KCNQ1OT1: variants seen among roughly 807,000 people sequenced by gnomAD.
KCNQ1OT1 encodes KCNQ1 opposite strand/antisense transcript 1.
exon 1 of KCNQ1OT1, chr11:2,631,810 C>CT (rs778837772): frequency 2.5e-6 from 1 of 398,502 alleles, no homozygotes; most frequent in Non-Finnish European, 4.4e-6. Flanking sequence ...GTGGCCAAGG[C>CT]TGAGTGTCCT....
chr11:2,634,411 G>A (rs1235237906), exon 1 of KCNQ1OT1: 6 of 192,690 alleles, frequency 3.1e-5, no homozygotes, highest in East Asian at 1.0e-4. Context: ...TCCCACCTAC[G>A]AGTGAGAACA....
In KCNQ1OT1 at chr11:2,670,660, T is replaced by C. The variant is rs1303584478; in HGVS notation, n.29335A>G. ...AGAGGCCAGGATGAACCCTGAAGAT[T>C]GGTAGGAAGGCAGTGTAGCAGTAAC... On this transcript the variant is annotated non_coding_transcript_exon_variant, in exon 1 of 1. Transcript: ENST00000597346. This position sits in a 1 kb window ranked among gnomAD's most constrained non-coding sequence, Gnocchi z 4.9. 5.0e-6 allele frequency: 2 copies of C among 398,232 alleles called. No individual in the cohort carries two copies. Among genetic ancestry groups the C allele is most frequent in the African/African-American group, 4.1e-5 (2 of 48,516 alleles). The allele number at this position is 398,232 out of a possible 1,614,324, so 24.7% of individuals were successfully genotyped here.
rs1383035176 is a variant in KCNQ1OT1 at position 2,620,211 on chromosome 11, A to ATATATATATAT, written n.79783_79784insATATATATATA. 1.1e-5 allele frequency: 3 copies of ATATATATATAT among 261,940 alleles called. No individual in the cohort carries two copies. Among genetic ancestry groups the ATATATATATAT allele is most frequent in the African/African-American group, 5.3e-5 (2 of 38,042 alleles). The allele number at this position is 261,940 out of a possible 1,614,324, so 16.2% of individuals were successfully genotyped here. ...TAAGTTCATTCATGTATATATATAT[A>ATATATATATAT]TTTTTTTTTTTTATTTTTTTTTTAG... is the stretch of plus-strand genomic sequence containing the variant. On this transcript the variant is annotated non_coding_transcript_exon_variant, in exon 1 of 1. Transcript: ENST00000597346. The surrounding 1 kb of genome is among the most constrained non-coding windows in gnomAD (Gnocchi z 4.5).
Position 2,676,671 on chromosome 11 carries a change from C to T in KCNQ1OT1, n.23324G>A. ...TAGTTCATTAAGGTCTTGAGTATTT[C>T]CAAGGGAGCACTAACTGGACTACAG... On this transcript the variant is annotated non_coding_transcript_exon_variant, in exon 1 of 1. Coordinates refer to ENST00000597346, the Ensembl canonical transcript of KCNQ1OT1. The surrounding 1 kb of genome is among the most constrained non-coding windows in gnomAD (Gnocchi z 4.2). 2 of 398,612 alleles carry T rather than the reference C, an allele frequency of 5.0e-6. No individual in the cohort carries two copies. The highest frequency in any genetic ancestry group is 7.1e-5 in the East Asian group (2 of 28,080). 24.7% of individuals were successfully genotyped at this position (398,612 alleles called of 1,614,324 possible). A position where few individuals can be genotyped will look rare whatever the true frequency, so the allele number is the denominator to read the frequency against.
exon 1 of KCNQ1OT1, chr11:2,640,232 C>A (rs941204978): frequency 2.5e-6 from 1 of 395,374 alleles, no homozygotes; most frequent in East Asian, 3.6e-5. Flanking sequence ...ACTGTCTTGA[C>A]GAGCCCCAGT....
At chr11:2,684,126 C>T (rs1850445353) in exon 1 of KCNQ1OT1, 2 of 398,606 alleles carry the variant, frequency 5.0e-6, no homozygotes, top group South Asian at 2.5e-4. Context: ...CTTAAGGGGA[C>T]CGTTTCCCTT....
exon 1 of KCNQ1OT1, chr11:2,644,145 A>G (rs1050323253): frequency 1.1e-4 from 45 of 398,376 alleles, no homozygotes; most frequent in Non-Finnish European, 2.2e-5. Flanking sequence ...CTCTTGGGAG[A>G]TTGGGAAGTG....
At chr11:2,662,049 G>A in exon 1 of KCNQ1OT1, 1 of 1,614,250 alleles carries the variant, frequency 6.2e-7, no homozygotes, top group Non-Finnish European at 8.5e-7. Context: ...TGGAAGGGGA[G>A]ACTCTGCTGA....
exon 1 of KCNQ1OT1, chr11:2,644,510 G>C (rs1270073093): frequency 2.5e-6 from 1 of 398,146 alleles, no homozygotes; most frequent in Admixed American, 4.4e-5. Flanking sequence ...TAGTCTATCA[G>C]ATCTTCTTTA....
At chr11:2,631,659 A>G (rs992712927) in exon 1 of KCNQ1OT1, 2 of 398,408 alleles carry the variant, frequency 5.0e-6, no homozygotes, top group African/African-American at 2.1e-5. Context: ...TCTTGTTACA[A>G]TGAATTGAAA....
exon 1 of KCNQ1OT1, chr11:2,675,368 A>G (rs1318861577): frequency 5.0e-6 from 2 of 398,556 alleles, no homozygotes; most frequent in African/African-American, 4.1e-5. Flanking sequence ...ACGTGTGTGC[A>G]TTAGAAAACA....
exon 1 of KCNQ1OT1, chr11:2,681,703 T>A (rs1007221381): frequency 2.2e-5 from 5 of 232,290 alleles, no homozygotes; most frequent in Non-Finnish European, 3.3e-5. Context: ...TTGCTTCCCA[T>A]GTGTCTGTTC....
At chr11:2,641,128 C>G in exon 1 of KCNQ1OT1, 1 of 398,408 alleles carries the variant, frequency 2.5e-6, no homozygotes, top group Non-Finnish European at 4.4e-6. Context: ...GCAATAAACA[C>G]GGGGATGCAG....
chr11:2,617,747 C>T lies in KCNQ1OT1; in HGVS notation n.82248G>A, dbSNP rs1339158641. The T allele has an allele frequency of 7.5e-6, 3 of 398,376 alleles. No homozygotes were observed. Among genetic ancestry groups the T allele is most frequent in the Non-Finnish European group, 1.3e-5 (3 of 226,016 alleles). The allele number at this position is 398,376 out of a possible 1,614,324, so 24.7% of individuals were successfully genotyped here. A position where few individuals can be genotyped will look rare whatever the true frequency, so the allele number is the denominator to read the frequency against. On this transcript the variant is annotated non_coding_transcript_exon_variant, in exon 1 of 1. Transcript: ENST00000597346. This position sits in a 1 kb window ranked among gnomAD's most constrained non-coding sequence, Gnocchi z 4.6. ...TATTCTCATGAGTGTGAGGTGATAT[C>T]GCATAGTAATTTTGATTTGCATTTC...
exon 1 of KCNQ1OT1, chr11:2,615,166 G>A (rs955532468): frequency 5.0e-6 from 2 of 397,934 alleles, no homozygotes; most frequent in Non-Finnish European, 8.9e-6. Flanking sequence ...ATTGTAAGTG[G>A]AATTTTAAAA....
rs1346790993 is a variant in KCNQ1OT1 at position 2,642,105 on chromosome 11, C to G, written n.57890G>C. The G allele has an allele frequency of 2.5e-6, 1 of 398,382 alleles. No homozygotes were observed. Among genetic ancestry groups the G allele is most frequent in the East Asian group, 3.6e-5 (1 of 28,038 alleles). 24.7% of individuals were successfully genotyped at this position (398,382 alleles called of 1,614,324 possible). On this transcript the variant is annotated non_coding_transcript_exon_variant, in exon 1 of 1. Coordinates refer to ENST00000597346, the Ensembl canonical transcript of KCNQ1OT1. The surrounding 1 kb of genome is among the most constrained non-coding windows in gnomAD (Gnocchi z 4.3). ...CTCAGAATTGCTGTGGCTATTCCAG[C>G]TCTTTTTTGGTTCCATCTGAATTTT...
At chr11:2,688,627 G>T (rs1850533787) in exon 1 of KCNQ1OT1, 1 of 398,654 alleles carries the variant, frequency 2.5e-6, no homozygotes, top group Non-Finnish European at 4.4e-6. Flanking sequence ...GCCTGGGTGA[G>T]CTCTGGACCT....
chr11:2,694,417 C>T (rs1381701725), exon 1 of KCNQ1OT1: 2 of 398,522 alleles, frequency 5.0e-6, no homozygotes, highest in Non-Finnish European at 8.8e-6. Context: ...AGGTAGAGAC[C>T]AGGCAGGGTG....
In KCNQ1OT1 at chr11:2,613,241, GA is replaced by G. The variant is rs1389372377; in HGVS notation, n.86753del. On this transcript the variant is annotated non_coding_transcript_exon_variant, in exon 1 of 1. Coordinates refer to ENST00000597346, the Ensembl canonical transcript of KCNQ1OT1. This position sits in a 1 kb window ranked among gnomAD's most constrained non-coding sequence, Gnocchi z 4.8. ...GCAAAAGGTCTCACAGTCAGCCAAG[GA>G]TAAGTAGATAGCAGGAAACCTCTCT... The G allele has an allele frequency of 5.0e-6, 2 of 398,378 alleles. No individual in the cohort carries two copies. Among genetic ancestry groups the G allele is most frequent in the African/African-American group, 2.1e-5 (1 of 48,564 alleles). 24.7% of individuals were successfully genotyped at this position (398,378 alleles called of 1,614,324 possible).
Sources: gnomAD v4.1 joint callset for allele counts on GRCh38, gnomAD v4.1.1 for gene constraint, Gnocchi (gnomAD v3.1) non-coding constraint, MANE v1.5 for transcripts, NCBI Gene and HGNC (gene_info 2026-07-23, HGNC 2026-07-21) for gene names.